TANC1: variants seen among roughly 807,000 people sequenced by gnomAD.
TANC1 encodes the protein tetratricopeptide repeat, ankyrin repeat and coiled-coil containing 1.
Under a neutral mutation model 149.7 loss-of-function variants are expected in TANC1, and 77 were observed. That is an observed-to-expected ratio of 0.51 (90% CI 0.43 to 0.62). TANC1 has a LOEUF of 0.62. Among genes scored for constraint, TANC1 ranks in the 20% least tolerant of loss-of-function variants. The pLI is 0.00. For missense variants in TANC1, 1,985 were observed against 2,321.8 expected, an observed-to-expected ratio of 0.85 and a Z score of 2.98; for synonymous variants, 854 against 925.0, an observed-to-expected ratio of 0.92 and a Z score of 1.39.
chr2:159,146,536 C>CTTTTT (rs35745470), intron 5 of TANC1, among the ~76,000 whole-genome samples: 1 of 78,354 alleles, frequency 1.3e-5, no homozygotes, highest in African/African-American at 4.7e-5. Context: ...GTCCCTTTTC[C>CTTTTT]TTTTTTTTTT....
At chr2:159,008,311 A>T (rs2037421529) in intron 2 of TANC1, among the ~76,000 whole-genome samples, 1 of 152,222 alleles carries the variant, frequency 6.6e-6, no homozygotes, top group Non-Finnish European at 1.5e-5. Flanking sequence ...CAAGTATCAC[A>T]GCTGTGCCCT....
chr2:159,007,566 A>C (rs1408969621), intron 2 of TANC1, among the ~76,000 whole-genome samples: 2 of 152,204 alleles, frequency 1.3e-5, no homozygotes, highest in African/African-American at 4.8e-5. Flanking sequence ...TCCTAGGAGC[A>C]ATAGTCTCTA....
intron 7 of TANC1, among the ~76,000 whole-genome samples, chr2:159,151,174 AC>A (rs1418097654): frequency 6.6e-6 from 1 of 152,200 alleles, no homozygotes; most frequent in East Asian, 1.9e-4. Context: ...ACCTTTTTGC[AC>A]ACTTTCTTTC....
At chr2:158,975,933 A>G (rs542660307) in intron 1 of TANC1, among the ~76,000 whole-genome samples, 4 of 151,368 alleles carry the variant, frequency 2.6e-5, no homozygotes, top group Admixed American at 6.6e-5. Context: ...TCCTGGGCTC[A>G]AGTGATCCTC....
chr2:159,169,151 G>T (rs767658048), intron 8 of TANC1, 99 bp from the exon 9 acceptor site: 48 of 884,950 alleles, frequency 5.4e-5, no homozygotes, highest in Non-Finnish European at 7.9e-5. Context: ...TTTGTTGAAA[G>T]CCTGAACTGA....
chr2:159,102,168 G>C (rs924477509), intron 4 of TANC1, among the ~76,000 whole-genome samples: 1 of 152,166 alleles, frequency 6.6e-6, no homozygotes, highest in East Asian at 1.9e-4. Flanking sequence ...AAATCCCATC[G>C]AAAAAGAACT....
chr2:159,122,547 C>T (rs1315923706), intron 4 of TANC1, among the ~76,000 whole-genome samples: 2 of 152,056 alleles, frequency 1.3e-5, no homozygotes, highest in African/African-American at 4.8e-5. Context: ...CACAAAGATA[C>T]CAGTTCTTTC....
chr2:159,170,545 C>A lies in TANC1; in HGVS notation c.1091C>A (p.Pro364Gln). 1 of 1,611,246 alleles carries A rather than the reference C, an allele frequency of 6.2e-7. No individual in the cohort carries two copies. The highest frequency in any genetic ancestry group is 1.1e-5 in the South Asian group (1 of 90,972). The change falls in exon 10 of 27, where the codon CCA becomes CAA. Residue 364 changes from proline (P) to glutamine (Q), a missense_variant. Coordinates refer to ENST00000263635, the MANE Select transcript of TANC1 (RefSeq NM_033394.3). ...GAAGCACGATTTGCTCCCTACAAGC[C>A]ACAAGACATTTTGTTGAAACCCTTG... ...EVKARFAPYK[P>Q]QDILLKPLLF...
intron 2 of TANC1, among the ~76,000 whole-genome samples, chr2:159,061,493 G>T (rs1016546125): frequency 1.3e-5 from 2 of 152,126 alleles, no homozygotes; most frequent in Admixed American, 6.5e-5. Flanking sequence ...CTTGCTAAGG[G>T]CCCCCACCCC....
intron 6 of TANC1, chr2:159,149,620 GCTTT>G: frequency 4.0e-6 from 1 of 250,250 alleles, no homozygotes; most frequent in South Asian, 5.4e-5. Flanking sequence ...TTTGGTATAC[GCTTT>G]CCTGTGCCTT....
intron 1 of TANC1, among the ~76,000 whole-genome samples, chr2:158,987,615 C>G (rs922361871): frequency 6.6e-5 from 10 of 152,210 alleles, no homozygotes; most frequent in Non-Finnish European, 1.0e-4. Context: ...TCCTAACCAG[C>G]CTAGGTTCCC....
intron 5 of TANC1, among the ~76,000 whole-genome samples, chr2:159,146,631 C>G (rs995383634): frequency 6.6e-6 from 1 of 151,324 alleles, no homozygotes; most frequent in Admixed American, 6.6e-5. Context: ...ACCTCTGCCT[C>G]CCGGATTCAA....
chr2:159,077,358 A>G (rs2043804583), intron 3 of TANC1, among the ~76,000 whole-genome samples: 1 of 152,208 alleles, frequency 6.6e-6, no homozygotes, highest in East Asian at 1.9e-4. Context: ...CCATAAATGT[A>G]ATAGTGTACA....
intron 4 of TANC1, among the ~76,000 whole-genome samples, chr2:159,099,520 A>C (rs2046460011): frequency 6.6e-6 from 1 of 152,058 alleles, no homozygotes; most frequent in South Asian, 2.1e-4. Flanking sequence ...AAAACAAAAC[A>C]AAACAAAAAA....
chr2:159,131,936 G>A (rs920843140), intron 4 of TANC1, among the ~76,000 whole-genome samples: 13 of 152,310 alleles, frequency 8.5e-5, no homozygotes, highest in African/African-American at 2.4e-4. Flanking sequence ...ATGCATAAAC[G>A]ATTTGCTGCC....
intron 24 of TANC1, 124 bp from the exon 25 acceptor site, chr2:159,227,695 T>G: frequency 9.4e-7 from 1 of 1,058,478 alleles, no homozygotes; most frequent in Non-Finnish European, 1.4e-6. Context: ...CTTGTTTGGA[T>G]GCTTTCAATG....
At chr2:158,983,284 A>G (rs1055183321) in intron 1 of TANC1, among the ~76,000 whole-genome samples, 2 of 151,886 alleles carry the variant, frequency 1.3e-5, no homozygotes, top group African/African-American at 4.8e-5. Flanking sequence ...TGGCTAACAC[A>G]GTGAAACCCC....
intron 2 of TANC1, among the ~76,000 whole-genome samples, chr2:159,031,772 G>T (rs1006396873): frequency 6.6e-6 from 1 of 152,166 alleles, no homozygotes; most frequent in Non-Finnish European, 1.5e-5. Context: ...GTGAGGTGAG[G>T]TTGCTTTAGA....
At chr2:159,112,456 A>T (rs932282691) in intron 4 of TANC1, among the ~76,000 whole-genome samples, 1 of 150,860 alleles carries the variant, frequency 6.6e-6, no homozygotes, top group Admixed American at 6.6e-5. Context: ...GGATTTCACC[A>T]TGTTGCCCAG....
Sources: gnomAD v4.1 joint callset for allele counts (sites outside exome capture counted in the v4.1 genomes callset) on GRCh38, gnomAD v4.1.1 for gene constraint, MANE v1.5 for transcripts, NCBI Gene and HGNC (gene_info 2026-07-23, HGNC 2026-07-21) for gene names.